KCNT2: variants seen among roughly 807,000 people sequenced by gnomAD.
KCNT2 encodes potassium channel subfamily T member 2.
Under a neutral mutation model 153.8 loss-of-function variants are expected in KCNT2, and 67 were observed. That is an observed-to-expected ratio of 0.44 (90% CI 0.36 to 0.53). The LOEUF is 0.53. KCNT2 is among the 20% of genes least tolerant of loss of function. The pLI, the probability that KCNT2 is intolerant of heterozygous loss-of-function variation, is 0.00. For synonymous variants in KCNT2, 500 were observed against 458.8 expected, an observed-to-expected ratio of 1.09 and a Z score of -1.15; for missense variants, 975 against 1,354.8, an observed-to-expected ratio of 0.72 and a Z score of 4.40.
intron 1 of KCNT2, among the ~76,000 whole-genome samples, chr1:196,506,566 T>A (rs1022300621): frequency 2.1e-4 from 32 of 152,188 alleles, no homozygotes; most frequent in African/African-American, 7.2e-4. Flanking sequence ...AACAGTAGCT[T>A]ACTCATTAAG....
intron 18 of KCNT2, among the ~76,000 whole-genome samples, chr1:196,330,212 A>G (rs1664320916): frequency 6.6e-6 from 1 of 151,396 alleles, no homozygotes; most frequent in Non-Finnish European, 1.5e-5. Context: ...TAATAGTCAA[A>G]ATTTATAATA....
chr1:196,347,350 G>C (rs1193650168), intron 14 of KCNT2, among the ~76,000 whole-genome samples: 2 of 152,062 alleles, frequency 1.3e-5, no homozygotes, highest in Non-Finnish European at 2.9e-5. Flanking sequence ...TTTTGAATGA[G>C]GGAGAAATAA....
intron 1 of KCNT2, among the ~76,000 whole-genome samples, chr1:196,497,504 AGATT>A (rs1184541235): frequency 6.6e-6 from 1 of 152,176 alleles, no homozygotes. Flanking sequence ...GGCTGTACAT[AGATT>A]ATTATGCAAA....
chr1:196,309,214 G>A (rs879191249), intron 21 of KCNT2, among the ~76,000 whole-genome samples: 1 of 151,868 alleles, frequency 6.6e-6, no homozygotes. Flanking sequence ...ACAAACTAAT[G>A]AAAATCAAGT....
At chr1:196,540,700 C>A (rs1656236411) in intron 1 of KCNT2, among the ~76,000 whole-genome samples, 1 of 152,182 alleles carries the variant, frequency 6.6e-6, no homozygotes, top group South Asian at 2.1e-4. Flanking sequence ...CAACTCTCAG[C>A]AAGTATGTAA....
At chr1:196,388,049 T>A (rs917427941) in intron 13 of KCNT2, among the ~76,000 whole-genome samples, 13 of 151,768 alleles carry the variant, frequency 8.6e-5, no homozygotes, top group African/African-American at 2.9e-4. Flanking sequence ...GTAGTCTCAC[T>A]TTTTACATTT....
intron 25 of KCNT2, among the ~76,000 whole-genome samples, chr1:196,259,318 A>AT (rs1656799872): frequency 6.6e-6 from 1 of 152,074 alleles, no homozygotes; most frequent in African/African-American, 2.4e-5. Flanking sequence ...CTCTCCTTTG[A>AT]TTTTAAGCCT....
At chr1:196,423,194 TC>T in intron 11 of KCNT2, 81 bp from the exon 12 acceptor site, 1 of 881,212 alleles carries the variant, frequency 1.1e-6, no homozygotes, top group Non-Finnish European at 1.8e-6. Flanking sequence ...CAGTCTTGAG[TC>T]CATATATTGC....
chr1:196,234,664 C>T (rs1654266220), intron 27 of KCNT2, among the ~76,000 whole-genome samples: 2 of 151,342 alleles, frequency 1.3e-5, no homozygotes, highest in African/African-American at 4.8e-5. Flanking sequence ...ACAAAACTGA[C>T]AACATATAAA....
chr1:196,556,471 T>C (rs1410239183), intron 1 of KCNT2, among the ~76,000 whole-genome samples: 1 of 151,458 alleles, frequency 6.6e-6, no homozygotes, highest in African/African-American at 2.4e-5. Context: ...CGAGTTAAAA[T>C]GGCTTTTTTC....
intron 1 of KCNT2, among the ~76,000 whole-genome samples, chr1:196,544,972 T>C (rs1656888067): frequency 6.6e-6 from 1 of 152,136 alleles, no homozygotes; most frequent in Admixed American, 6.6e-5. Context: ...AAAACTAATG[T>C]TTATGAAATG....
At chr1:196,261,535 T>C (rs1453997640) in intron 25 of KCNT2, among the ~76,000 whole-genome samples, 1 of 151,808 alleles carries the variant, frequency 6.6e-6, no homozygotes, top group Non-Finnish European at 1.5e-5. Flanking sequence ...TAATACGAAA[T>C]AATTATGATG....
At chr1:196,551,241 G>A (rs1657857248) in intron 1 of KCNT2, among the ~76,000 whole-genome samples, 2 of 151,752 alleles carry the variant, frequency 1.3e-5, no homozygotes, top group Admixed American at 6.6e-5. Flanking sequence ...TCATCGGATT[G>A]TAACACAAAG....
chr1:196,346,018 C>T (rs1363313921), intron 14 of KCNT2, among the ~76,000 whole-genome samples: 4 of 152,160 alleles, frequency 2.6e-5, no homozygotes, highest in African/African-American at 9.6e-5. Flanking sequence ...GTTTCACAAA[C>T]ATTTGGCATG....
At chr1:196,512,586 C>T (rs949168351) in intron 1 of KCNT2, among the ~76,000 whole-genome samples, 25 of 152,020 alleles carry the variant, frequency 1.6e-4, no homozygotes, top group African/African-American at 5.8e-4. Context: ...GTTTAAAGTT[C>T]TTCAAGTAGT....
At chr1:196,308,885 C>T (rs772605279) in intron 21 of KCNT2, among the ~76,000 whole-genome samples, 5 of 151,864 alleles carry the variant, frequency 3.3e-5, no homozygotes, top group African/African-American at 4.8e-5. Flanking sequence ...TTAAAAATAA[C>T]GTTTTATAAA....
chr1:196,406,429 T>C (rs748753645), intron 12 of KCNT2, among the ~76,000 whole-genome samples: 16 of 151,340 alleles, frequency 1.1e-4, no homozygotes, highest in Non-Finnish European at 2.4e-4. Context: ...CACTAAAAAA[T>C]TCTCCACCAT....
intron 25 of KCNT2, 110 bp downstream of exon 25, chr1:196,280,750 C>A: frequency 9.7e-7 from 1 of 1,034,056 alleles, no homozygotes; most frequent in Non-Finnish European, 1.4e-6. Flanking sequence ...ATTCAGGTAG[C>A]ATTCTTTTTC....
intron 22 of KCNT2, among the ~76,000 whole-genome samples, chr1:196,286,506 AC>A (rs1424834862): frequency 2.0e-5 from 3 of 151,894 alleles, no homozygotes; most frequent in Admixed American, 6.6e-5. Flanking sequence ...ACAGACTAAA[AC>A]AGGCTTTGTA....
Sources: gnomAD v4.1 joint callset for allele counts (sites outside exome capture counted in the v4.1 genomes callset) on GRCh38, gnomAD v4.1.1 for gene constraint, MANE v1.5 for transcripts, NCBI Gene and HGNC (gene_info 2026-07-23, HGNC 2026-07-21) for gene names.